The following GLYATL2 variants were observed in gnomAD, a reference collection of about 807,000 sequenced individuals.
GLYATL2 encodes the protein glycine-N-acyltransferase like 2.
In GLYATL2, 25 loss-of-function variants were observed where a neutral mutation model predicts 21.4. That is an observed-to-expected ratio of 1.17 (90% CI 0.85 to 1.63). The LOEUF is 1.63. Among genes scored for constraint, GLYATL2 ranks in the 40% most tolerant of loss-of-function variants. GLYATL2 has a pLI of 0.00. For synonymous variants in GLYATL2, 114 were observed against 118.2 expected, an observed-to-expected ratio of 0.96 and a Z score of 0.23; for missense variants, 361 against 343.3, an observed-to-expected ratio of 1.05 and a Z score of -0.41.
At chr11:58,856,866 A>G (rs598767) in intron 1 of GLYATL2, among the ~76,000 whole-genome samples, 15 of 152,102 alleles carry the variant, frequency 9.9e-5, no homozygotes, top group Admixed American at 7.9e-4. Flanking sequence ...AAATGTAATA[A>G]AGACAGGAAG....
intron 1 of GLYATL2, among the ~76,000 whole-genome samples, chr11:58,863,230 C>G (rs541111600): frequency 6.6e-6 from 1 of 152,322 alleles, no homozygotes; most frequent in Admixed American, 6.5e-5. Context: ...CAGGGGCTGA[C>G]ACAGCTCTGA....
chr11:58,904,370 GC>G (rs1228260316), upstream of GLYATL2, among the ~76,000 whole-genome samples: 36 of 152,192 alleles, frequency 2.4e-4, no homozygotes, highest in Admixed American at 2.4e-3. Context: ...TCTTCATATG[GC>G]CGACCAGGTG....
chr11:58,866,925 G>A (rs1479727884), intron 1 of GLYATL2, among the ~76,000 whole-genome samples: 1 of 149,300 alleles, frequency 6.7e-6, no homozygotes, highest in Non-Finnish European at 1.5e-5. Context: ...GGTGCCAATG[G>A]CTATCAGATG....
At position 58,834,737 on chromosome 11, in the gene GLYATL2, C is replaced by G; in HGVS notation, c.577G>C (p.Glu193Gln). Reference sequence around the variant, plus strand: ...CCTAGAAAATCCTGGAGGCAGCGTTCAATATATTTCAAGCTCCTCTCATTT... The same window carrying G: ...CCTAGAAAATCCTGGAGGCAGCGTTGAATATATTTCAAGCTCCTCTCATTT... ...GKNERSLKYIERCLQDFLGFG... is the reference protein window; with the variant it reads ...GKNERSLKYIQRCLQDFLGFG... Residue 193 changes from glutamate (E) to glutamine (Q), a missense_variant, in exon 6 of 6, where the codon GAA (glutamate) becomes CAA (glutamine). Transcript: ENST00000287275. The G allele has an allele frequency of 6.2e-7, 1 of 1,613,896 alleles. No individual in the cohort carries two copies. Among genetic ancestry groups the G allele is most frequent in the South Asian group, 1.1e-5 (1 of 91,058 alleles).
At chr11:58,891,229 A>G (rs1394983127) in intron 1 of GLYATL2, among the ~76,000 whole-genome samples, 1 of 152,162 alleles carries the variant, frequency 6.6e-6, no homozygotes, top group Non-Finnish European at 1.5e-5. Flanking sequence ...ATATTAATAC[A>G]TTCACTGCTA....
chr11:58,869,255 CTGTT>C (rs1211452230), intron 1 of GLYATL2, among the ~76,000 whole-genome samples: 1 of 152,118 alleles, frequency 6.6e-6, no homozygotes, highest in African/African-American at 2.4e-5. Flanking sequence ...TTTTATAACA[CTGTT>C]TGGCTCCAGT....
chr11:58,861,216 G>C (rs991718586), intron 1 of GLYATL2, among the ~76,000 whole-genome samples: 31 of 152,026 alleles, frequency 2.0e-4, no homozygotes, highest in African/African-American at 7.0e-4. Flanking sequence ...GAAGCCATAA[G>C]GTCCTGGGCT....
intron 1 of GLYATL2, among the ~76,000 whole-genome samples, chr11:58,866,452 AG>A (rs1204387378): frequency 6.7e-6 from 1 of 148,698 alleles, no homozygotes; most frequent in African/African-American, 2.4e-5. Context: ...CCCCTCCCTG[AG>A]TGTCCAGGTG....
intron 1 of GLYATL2, among the ~76,000 whole-genome samples, chr11:58,858,143 C>T (rs1853864977): frequency 6.6e-6 from 1 of 152,104 alleles, no homozygotes. Context: ...AGTGGCTCCA[C>T]AAGTACCTTC....
intron 1 of GLYATL2, among the ~76,000 whole-genome samples, chr11:58,861,251 A>G (rs755599664): frequency 6.6e-6 from 1 of 151,552 alleles, no homozygotes; most frequent in Non-Finnish European, 1.5e-5. Flanking sequence ...TATTTTTTTT[A>G]CTTATTTAAC....
intron 1 of GLYATL2, among the ~76,000 whole-genome samples, chr11:58,864,005 A>T (rs980015519): frequency 4.6e-5 from 7 of 152,090 alleles, no homozygotes; most frequent in Middle Eastern, 6.8e-3. Flanking sequence ...TAGCTAAGAG[A>T]TAAGGCTAGG....
chr11:58,880,665 G>A (rs899029863), intron 1 of GLYATL2, among the ~76,000 whole-genome samples: 5 of 152,088 alleles, frequency 3.3e-5, no homozygotes, highest in African/African-American at 1.2e-4. Context: ...TTTTTTGTTT[G>A]TTTGTTTGTT....
chr11:58,901,319 A>G (rs1240165121), intron 1 of GLYATL2, among the ~76,000 whole-genome samples: 4 of 152,320 alleles, frequency 2.6e-5, no homozygotes, highest in East Asian at 1.9e-4. Context: ...CCAGCTCACA[A>G]TAAGATTTTC....
At chr11:58,868,205 C>T (rs1389489671) in intron 1 of GLYATL2, among the ~76,000 whole-genome samples, 1 of 148,848 alleles carries the variant, frequency 6.7e-6, no homozygotes, top group African/African-American at 2.4e-5. Context: ...CCTGTAGTCC[C>T]ATAGATAGAT....
chr11:58,906,118 G>T (rs1172436885), upstream of GLYATL2, among the ~76,000 whole-genome samples: 1 of 152,160 alleles, frequency 6.6e-6, no homozygotes, highest in African/African-American at 2.4e-5. Flanking sequence ...TCTTTGAGTG[G>T]TTTTTCTGGT....
intron 1 of GLYATL2, among the ~76,000 whole-genome samples, chr11:58,852,866 C>T (rs1205514418): frequency 1.3e-5 from 2 of 152,188 alleles, no homozygotes; most frequent in Non-Finnish European, 2.9e-5. Context: ...TTAAGAGTTG[C>T]TCTCTGTTCC....
rs186234429 is a variant in GLYATL2, at chr11:58,865,698, C to T, written n.61-27330G>A. Among the ~76,000 whole-genome samples, 3 of 137,598 alleles carry T rather than the reference C, an allele frequency of 2.2e-5. No individual in the cohort carries two copies. The Admixed American group carries it at 2.4e-4, about 11-fold the overall frequency. 90.3% of individuals were successfully genotyped at this position (137,598 alleles called of 152,430 possible). On this transcript the variant is annotated intron_variant and non_coding_transcript_variant, in intron 1 of 4. Coordinates refer to the GLYATL2 transcript ENST00000533636. ...TCTTTCAGAAAGTTAGGCAGGTGCT[C>T]AGATGCACTTTTTGGTCACAAAGGA...
chr11:58,837,216 C>T, intron 4 of GLYATL2, 39 bp from the exon 5 acceptor site: 7 of 1,612,682 alleles, frequency 4.3e-6, no homozygotes, highest in Non-Finnish European at 4.2e-6. Context: ...TTTATGCCTT[C>T]CATATCGGCT....
In GLYATL2 at chr11:58,835,640, T is replaced by C. The variant is rs192088265; in HGVS notation, c.477-803A>G. Among the ~76,000 whole-genome samples, 57 of 152,254 alleles carry C rather than the reference T, an allele frequency of 3.7e-4. No individual in the cohort carries two copies. In the East Asian group the frequency reaches 9.1e-3, roughly 24 times the overall value. On this transcript the variant is annotated intron_variant, in intron 5 of 5. Coordinates refer to ENST00000287275, the MANE Select transcript of GLYATL2 (RefSeq NM_145016.4). ...TGCCAGTGGGTGGGTAACAGAACGC[T>C]AAGTTTTCTACGGGCGATGCTTTGT... is the stretch of plus-strand genomic sequence containing the variant.
Sources: allele counts gnomAD v4.1 joint callset (sites outside exome capture counted in the v4.1 genomes callset), GRCh38; gene constraint gnomAD v4.1.1; transcripts MANE v1.5; gene names NCBI Gene and HGNC (gene_info 2026-07-23, HGNC 2026-07-21).